The following LHX1 variants were observed in gnomAD, a reference collection of about 807,000 sequenced individuals.
LHX1 encodes LIM homeobox 1.
In LHX1, 9 loss-of-function variants were observed where a neutral mutation model predicts 34.1. That is an observed-to-expected ratio of 0.26 (90% CI 0.16 to 0.46). LHX1 has a LOEUF of 0.46. LHX1 is among the 20% of genes least tolerant of loss of function. The pLI, the probability that LHX1 is intolerant of heterozygous loss-of-function variation, is 1.00. For synonymous variants in LHX1, 254 were observed against 241.5 expected (o/e 1.05, Z -0.48); for missense variants, 446 against 559.1 (o/e 0.80, Z 2.04).
intron 3 of LHX1, chr17:36,941,238 T>C (rs1175948241): frequency 1.1e-5 from 6 of 554,744 alleles, no homozygotes; most frequent in Admixed American, 9.3e-5. Flanking sequence ...CAGAGAAGTC[T>C]CAGTGTCCCC....
chr17:36,937,944 C>T lies in LHX1; in HGVS notation c.-254C>T, dbSNP rs1351094169. On this transcript the variant is annotated 5_prime_UTR_variant, in exon 1 of 5. Coordinates refer to ENST00000614239, the MANE Select transcript of LHX1 (RefSeq NM_005568.5). ...CTTTTCCTCGCCCCGGGAGCTCAGG[C>T]GGCGCCGCTCCAGCCCGGGGCCCCG... 1.3e-5 allele frequency: 8 copies of T among 600,928 alleles called. No individual in the cohort carries two copies. In the Admixed American group the frequency reaches 1.4e-4, roughly 10 times the overall value. 37.2% of individuals were successfully genotyped at this position (600,928 alleles called of 1,614,324 possible).
At position 36,944,202 on chromosome 17, in the gene LHX1, A is replaced by C. The variant is rs1043951189; in HGVS notation, c.*1071A>C. The C allele has an allele frequency of 6.6e-6, 1 of 152,084 alleles. No homozygotes were observed. Among genetic ancestry groups the C allele is most frequent in the African/African-American group, 2.4e-5 (1 of 41,398 alleles). The allele number at this position is 152,084 out of a possible 1,614,324, so 9.4% of individuals were successfully genotyped here. ...AAACATGCTATTCAGACAGTTGCCA[A>C]ATAGAATAATTATAGCACAAATACT... On this transcript the variant is annotated 3_prime_UTR_variant, in exon 5 of 5. Coordinates refer to ENST00000614239, the MANE Select transcript of LHX1 (RefSeq NM_005568.5).
At position 36,942,326 on chromosome 17, in the gene LHX1, G is replaced by A. The variant is rs1454830242; in HGVS notation, c.802G>A (p.Gly268Ser). ...MRPLVDRLEPGELIPNGPFSF... is the reference protein window; with the variant it reads ...MRPLVDRLEPSELIPNGPFSF... ...GCCGCTGGTGGACCGCCTGGAGCCG[G>A]GCGAGCTCATCCCCAATGGTCCCTT... Residue 268 changes from glycine (G) to serine (S), a missense_variant, in exon 4 of 5, where the codon GGC becomes AGC. Gly to Ser is a moderately conservative substitution (Grantham distance 56). This residue lies in a region of LHX1 where 235 missense variants were observed against 224.4 expected (regional missense o/e 1.05). Coordinates refer to ENST00000614239, the MANE Select transcript of LHX1 (RefSeq NM_005568.5). The A allele has an allele frequency of 1.9e-6, 3 of 1,591,160 alleles. No homozygotes were observed. The highest frequency in any genetic ancestry group is 1.3e-5 in the African/African-American group (1 of 74,614).
Position 36,940,719 on chromosome 17 carries a change from C to A in LHX1, c.507C>A (p.Asn169Lys). The change falls in exon 3 of 5, where the codon AAC (asparagine) becomes AAA (lysine). Residue 169 changes from asparagine (N) to lysine (K), a missense_variant. Asn to Lys is a moderately conservative substitution (Grantham distance 94, BLOSUM62 0). Coordinates refer to ENST00000614239, the MANE Select transcript of LHX1 (RefSeq NM_005568.5). ...TGTCGGACAAGGAAGCGGGTAGCAA[C>A]GAGAATGACGACCAGAACCTGGGCG... ...ANVSDKEAGS[N>K]ENDDQNLGAK... is the part of the protein sequence containing the mutation. 7 of 1,613,790 alleles carry A rather than the reference C, an allele frequency of 4.3e-6. No homozygotes were observed. The highest frequency in any genetic ancestry group is 5.1e-6 in the Non-Finnish European group (6 of 1,180,054).
intron 3 of LHX1, chr17:36,941,241 G>A (rs2070763503): frequency 1.8e-6 from 1 of 546,598 alleles, no homozygotes; most frequent in South Asian, 1.7e-5. Context: ...AGAAGTCTCA[G>A]TGTCCCCCAG....
chr17:36,938,210 G>A lies in LHX1; in HGVS notation c.13G>A (p.Ala5Thr). The A allele has an allele frequency of 6.2e-7, 1 of 1,613,860 alleles. No individual in the cohort carries two copies. Among genetic ancestry groups the A allele is most frequent in the Non-Finnish European group, 8.5e-7 (1 of 1,180,008 alleles). Reference protein sequence around the residue: MVHCAGCKRPILDRF... With the variant: MVHCTGCKRPILDRF... ...CAAACCAAAGACCATGGTTCACTGT[G>A]CCGGCTGCAAAAGGCCCATCCTGGA... is the stretch of plus-strand genomic sequence containing the variant. The change falls in exon 1 of 5, where the codon GCC (alanine) becomes ACC (threonine). Residue 5 changes from alanine to threonine, a missense_variant. Physicochemically the swap from Ala to Thr is moderately conservative, Grantham distance 58. This residue lies in a region of LHX1 where 168 missense variants were observed against 226.6 expected (regional missense o/e 0.74). Coordinates refer to ENST00000614239, the MANE Select transcript of LHX1 (RefSeq NM_005568.5).
Position 36,938,075 on chromosome 17 carries a change from C to A in LHX1, c.-123C>A. On this transcript the variant is annotated 5_prime_UTR_variant, in exon 1 of 5. Transcript: ENST00000614239. ...CTGGTGCGAGTTTTGGCTTGCACGG[C>A]CGAGTGTGTGTCCTCTTTTTGGAGA... The A allele has an allele frequency of 1.0e-6, 1 of 958,074 alleles. No homozygotes were observed. Among genetic ancestry groups the A allele is most frequent in the South Asian group, 1.4e-5 (1 of 71,674 alleles). The allele number at this position is 958,074 out of a possible 1,614,324, so 59.3% of individuals were successfully genotyped here.
In LHX1 at chr17:36,944,294, T is replaced by A. The variant is rs2070788774; in HGVS notation, c.*1163T>A. On this transcript the variant is annotated 3_prime_UTR_variant, in exon 5 of 5. Transcript: ENST00000614239. ...AAAAAAAAAAAAAAGTGTTACAAGA[T>A]TTAAAAAAAAACATCTTTGCTAATT... is the stretch of plus-strand genomic sequence containing the variant. 6.6e-6 allele frequency: 1 copy of A among 151,654 alleles called. No homozygotes were observed. 9.4% of individuals were successfully genotyped at this position (151,654 alleles called of 1,614,324 possible). A position where few individuals can be genotyped will look rare whatever the true frequency, so the allele number is the denominator to read the frequency against.
rs34618208 is a variant in LHX1, at chr17:36,944,264, TAAAAAA to T, written c.*1146_*1151del. 1.6e-5 allele frequency: 2 copies of T among 128,474 alleles called. No homozygotes were observed. The highest frequency in any genetic ancestry group is 5.4e-5 in the African/African-American group (2 of 36,908). 8.0% of individuals were successfully genotyped at this position (128,474 alleles called of 1,614,324 possible). ...TGGCACCAGCAACCTGAGAAAGTGT[TAAAAAA>T]AAAAAAAAAAAAGTGTTACAAGATT... is the stretch of plus-strand genomic sequence containing the variant. On this transcript the variant is annotated 3_prime_UTR_variant, in exon 5 of 5. Transcript: ENST00000614239.
chr17:36,943,428 C>T lies in LHX1; in HGVS notation c.*297C>T. On this transcript the variant is annotated 3_prime_UTR_variant, in exon 5 of 5. Coordinates refer to ENST00000614239, the MANE Select transcript of LHX1 (RefSeq NM_005568.5). ...TGGACCCGGATCCGTAGACAGACCC[C>T]GCGGGCGTGTGCGCCTGGCAGGCGG... 2.8e-6 allele frequency: 1 copy of T among 355,950 alleles called. No homozygotes were observed. Among genetic ancestry groups the T allele is most frequent in the Non-Finnish European group, 5.0e-6 (1 of 198,664 alleles). 22.0% of individuals were successfully genotyped at this position (355,950 alleles called of 1,614,324 possible). A position where few individuals can be genotyped will look rare whatever the true frequency, so the allele number is the denominator to read the frequency against.
chr17:36,938,114 G>A lies in LHX1; in HGVS notation c.-84G>A, dbSNP rs2070740743. 3 of 1,360,542 alleles carry A rather than the reference G, an allele frequency of 2.2e-6. No individual in the cohort carries two copies. The highest frequency in any genetic ancestry group is 2.1e-6 in the Non-Finnish European group (2 of 955,122). 84.3% of individuals were successfully genotyped at this position (1,360,542 alleles called of 1,614,324 possible). ...TCTTTTTGGAGAGACTGGGGAGCTC[G>A]TGCCGATTGTCTTCAGGAGTCATCC... On this transcript the variant is annotated 5_prime_UTR_variant, in exon 1 of 5. In the 5' UTR this introduces an upstream ATG that the reference lacks. Transcript: ENST00000614239.
chr17:36,941,104 GC>G (rs1567957460), intron 3 of LHX1: 1 of 784,784 alleles, frequency 1.3e-6, no homozygotes, highest in East Asian at 2.7e-5. Flanking sequence ...GGTGATCGTG[GC>G]AGTGGAGGGG....
In LHX1 at chr17:36,938,212, C is replaced by A; in HGVS notation, c.15C>A (p.Ala5=). 1.2e-6 allele frequency: 2 copies of A among 1,613,950 alleles called. No individual in the cohort carries two copies. MVHC[A]GCKRPILDRF... Reference sequence around the variant, plus strand: ...AACCAAAGACCATGGTTCACTGTGCCGGCTGCAAAAGGCCCATCCTGGACC... The same window carrying A: ...AACCAAAGACCATGGTTCACTGTGCAGGCTGCAAAAGGCCCATCCTGGACC... The change falls in exon 1 of 5, where the codon GCC becomes GCA. Residue 5 remains alanine, a synonymous_variant. Transcript: ENST00000614239.
At chr17:36,938,648 A>T in intron 1 of LHX1, 1 of 556,334 alleles carries the variant, frequency 1.8e-6, no homozygotes. Context: ...TCAAGCTTGG[A>T]AGAGACAGGG....
Position 36,942,308 on chromosome 17 carries a change from G to C in LHX1, c.784G>C (p.Val262Leu), listed in dbSNP as rs768910269. Residue 262 changes from valine (V) to leucine (L), a missense_variant, in exon 4 of 5, where the codon GTG becomes CTG. By Grantham distance (32) the Val-to-Leu change is conservative (BLOSUM62 1). Coordinates refer to ENST00000614239, the MANE Select transcript of LHX1 (RefSeq NM_005568.5). ...CAGTCCGCGCCGGATGCGGCCGCTG[G>C]TGGACCGCCTGGAGCCGGGCGAGCT... The part of the protein sequence containing the change: ...FRSPRRMRPL[V>L]DRLEPGELIP... 16 of 1,593,758 alleles carry C rather than the reference G, an allele frequency of 1.0e-5. No homozygotes were observed. In the South Asian group the frequency reaches 1.8e-4, roughly 18 times the overall value.
Position 36,943,197 on chromosome 17 carries a change from G to GAAAAAAA in LHX1, c.*71_*77dup. On this transcript the variant is annotated 3_prime_UTR_variant, in exon 5 of 5. Coordinates refer to ENST00000614239, the MANE Select transcript of LHX1 (RefSeq NM_005568.5). ...AATGAACCTTTATTTAAGAAAAATA[G>GAAAAAAA]AAAAAAAAAAACATAAAAAGCAAGT... is the stretch of plus-strand genomic sequence containing the variant. 1 of 1,303,846 alleles carries GAAAAAAA rather than the reference G, an allele frequency of 7.7e-7. No homozygotes were observed. The highest frequency in any genetic ancestry group is 1.0e-6 in the Non-Finnish European group (1 of 963,524). The allele number at this position is 1,303,846 out of a possible 1,614,324, so 80.8% of individuals were successfully genotyped here. A position where few individuals can be genotyped will look rare whatever the true frequency, so the allele number is the denominator to read the frequency against.
rs2070739245 is a variant in LHX1 at position 36,937,960 on chromosome 17, C to T, written c.-238C>T. On this transcript the variant is annotated 5_prime_UTR_variant, in exon 1 of 5. Coordinates refer to ENST00000614239, the MANE Select transcript of LHX1 (RefSeq NM_005568.5). ...GAGCTCAGGCGGCGCCGCTCCAGCC[C>T]GGGGCCCCGGGACTCCCCGGCTGCA... 3.3e-6 allele frequency: 2 copies of T among 602,400 alleles called. No individual in the cohort carries two copies. The highest frequency in any genetic ancestry group is 5.9e-6 in the Non-Finnish European group (2 of 337,340). The allele number at this position is 602,400 out of a possible 1,614,324, so 37.3% of individuals were successfully genotyped here.
chr17:36,937,312 G>A (rs1394661658), upstream of LHX1: 2 of 411,436 alleles, frequency 4.9e-6, no homozygotes, highest in African/African-American at 4.2e-5. Flanking sequence ...CTGAGGACAC[G>A]GAGGCCGCCA....
chr17:36,943,254 T>G lies in LHX1; in HGVS notation c.*123T>G. The stretch of plus-strand genomic sequence containing the variant: ...CCCCTTCCTCCAGCCTCGAGAACCA[T>G]TCTCCTTCTGGGGAGACCGGATGGA... On this transcript the variant is annotated 3_prime_UTR_variant, in exon 5 of 5. Coordinates refer to ENST00000614239, the MANE Select transcript of LHX1 (RefSeq NM_005568.5). 1.7e-6 allele frequency: 2 copies of G among 1,191,676 alleles called. No individual in the cohort carries two copies. The highest frequency in any genetic ancestry group is 2.3e-6 in the Non-Finnish European group (2 of 866,860). The allele number at this position is 1,191,676 out of a possible 1,614,324, so 73.8% of individuals were successfully genotyped here.
Sources: gnomAD v4.1 joint callset for allele counts on GRCh38, gnomAD v4.1.1 for gene constraint, gnomAD v4.1.1 regional missense constraint, MANE v1.5 for transcripts, NCBI Gene and HGNC (gene_info 2026-07-23, HGNC 2026-07-21) for gene names.